The following EEIG2 variants were observed in gnomAD, a reference collection of about 807,000 sequenced individuals.
EEIG2 encodes family with sequence similarity 102 member B.
chr1:108,624,415 C>A, the EEIG2 span, among the ~76,000 whole-genome samples: 1 of 140,432 alleles, frequency 7.1e-6, no homozygotes, highest in South Asian at 2.5e-4. Context: ...GGAGACAATG[C>A]CCTTTTCTTG....
At chr1:108,594,804 G>T in the EEIG2 span, among the ~76,000 whole-genome samples, 4 of 152,102 alleles carry the variant, frequency 2.6e-5, no homozygotes, top group Admixed American at 1.3e-4. Flanking sequence ...ATGAAAACCA[G>T]TTCTCTATCT....
chr1:108,593,576 TG>T, the EEIG2 span, among the ~76,000 whole-genome samples: 2 of 152,174 alleles, frequency 1.3e-5, no homozygotes, highest in Non-Finnish European at 2.9e-5. Flanking sequence ...GACTGCATAT[TG>T]GATAAGTAAC....
the EEIG2 span, among the ~76,000 whole-genome samples, chr1:108,610,714 A>C: frequency 6.6e-6 from 1 of 152,106 alleles, no homozygotes; most frequent in Non-Finnish European, 1.5e-5. Flanking sequence ...GCGGATCACG[A>C]GGTCAGGAGA....
chr1:108,562,543 A>C, the EEIG2 span, among the ~76,000 whole-genome samples: 1 of 152,244 alleles, frequency 6.6e-6, no homozygotes, highest in Admixed American at 6.5e-5. Flanking sequence ...GCTAAGAGCA[A>C]GGATTTGGAA....
At chr1:108,636,198 A>G in the EEIG2 span, 1 of 152,234 alleles carries the variant, frequency 6.6e-6, no homozygotes, top group African/African-American at 2.4e-5. Flanking sequence ...AGAGTAGAAT[A>G]TAACATCTAT....
At chr1:108,560,388 G>C in the EEIG2 span, 1 of 1,513,660 alleles carries the variant, frequency 6.6e-7, no homozygotes, top group Non-Finnish European at 8.9e-7. Flanking sequence ...AGGCGGCGGC[G>C]CCCGGCCGTG....
chr1:108,621,069 G>A, the EEIG2 span, among the ~76,000 whole-genome samples: 1 of 152,250 alleles, frequency 6.6e-6, no homozygotes, highest in East Asian at 1.9e-4. Context: ...TTATGCCATC[G>A]TTACAGGGCA....
the EEIG2 span, chr1:108,625,086 A>G: frequency 1.0e-5 from 2 of 200,770 alleles, no homozygotes; most frequent in African/African-American, 4.6e-5. Flanking sequence ...CTCCTCTTCC[A>G]TGAATCGCTT....
the EEIG2 span, among the ~76,000 whole-genome samples, chr1:108,596,753 T>C: frequency 6.6e-6 from 1 of 152,234 alleles, no homozygotes; most frequent in Non-Finnish European, 1.5e-5. Flanking sequence ...TTGTTTTTTT[T>C]TTTAAGACTG....
chr1:108,601,787 A>G, the EEIG2 span, among the ~76,000 whole-genome samples: 2 of 152,188 alleles, frequency 1.3e-5, no homozygotes, highest in Non-Finnish European at 2.9e-5. Flanking sequence ...AACTACAAAT[A>G]AGATACCATT....
the EEIG2 span, among the ~76,000 whole-genome samples, chr1:108,601,821 A>C: frequency 1.3e-5 from 2 of 152,210 alleles, no homozygotes; most frequent in African/African-American, 4.8e-5. Flanking sequence ...GTTGACAAAA[A>C]TGAAAAAGTT....
the EEIG2 span, among the ~76,000 whole-genome samples, chr1:108,613,405 C>G: frequency 6.6e-6 from 1 of 152,166 alleles, no homozygotes; most frequent in Non-Finnish European, 1.5e-5. Context: ...CATGTCTTCT[C>G]CTGCCTGGTC....
the EEIG2 span, among the ~76,000 whole-genome samples, chr1:108,571,518 C>G: frequency 1.3e-5 from 2 of 152,090 alleles, no homozygotes; most frequent in Non-Finnish European, 2.9e-5. Flanking sequence ...AACAGTAGGA[C>G]AGAGAAGATT....
At chr1:108,621,361 T>G in the EEIG2 span, among the ~76,000 whole-genome samples, 2 of 152,184 alleles carry the variant, frequency 1.3e-5, no homozygotes, top group Non-Finnish European at 2.9e-5. Flanking sequence ...AGCTAAGATT[T>G]TGGATTCTAA....
At chr1:108,569,720 A>G in the EEIG2 span, among the ~76,000 whole-genome samples, 1 of 152,288 alleles carries the variant, frequency 6.6e-6, no homozygotes, top group South Asian at 2.1e-4. Context: ...ATCTTTCACT[A>G]TAGCTGGGAC....
At chr1:108,560,699 C>G in the EEIG2 span, 1 of 1,097,376 alleles carries the variant, frequency 9.1e-7, no homozygotes, top group African/African-American at 1.6e-5. Flanking sequence ...TATTGATCTG[C>G]AAAGTGCTTT....
At chr1:108,630,987 C>A in the EEIG2 span, 1 of 194,926 alleles carries the variant, frequency 5.1e-6, no homozygotes, top group Non-Finnish European at 1.1e-5. Flanking sequence ...CAAAAATAGA[C>A]TAACAGCAAA....
chr1:108,577,050 A>G, the EEIG2 span, among the ~76,000 whole-genome samples: 5 of 145,532 alleles, frequency 3.4e-5, no homozygotes, highest in Non-Finnish European at 7.6e-5. Flanking sequence ...ATGGCCAGTG[A>G]TGATGAGCAT....
chr1:108,591,671 C>A, the EEIG2 span, among the ~76,000 whole-genome samples: 1 of 152,116 alleles, frequency 6.6e-6, no homozygotes. Flanking sequence ...TCCTGCCCCT[C>A]CCTGGGGGAC....
Sources: allele counts gnomAD v4.1 joint callset (sites outside exome capture counted in the v4.1 genomes callset), GRCh38; gene constraint gnomAD v4.1.1; transcripts MANE v1.5; gene names NCBI Gene and HGNC (gene_info 2026-07-23, HGNC 2026-07-21).